The following FMNL2 variants were observed in gnomAD, a reference collection of about 807,000 sequenced individuals.
The protein encoded by FMNL2 is formin like 2.
FMNL2 carries 51 observed loss-of-function variants against 130.2 expected under a neutral mutation model. The ratio of observed to expected loss-of-function variants is 0.39; its 90% CI spans 0.31 to 0.49. The LOEUF (loss-of-function observed/expected upper bound fraction) is 0.49, where lower values mean the gene tolerates loss of function less well. Among genes scored for constraint, FMNL2 ranks in the 20% least tolerant of loss-of-function variants. FMNL2 has a pLI of 0.85. For missense variants in FMNL2, 977 were observed against 1,316.2 expected (o/e 0.74, Z 3.99); for synonymous variants, 465 against 467.1 (o/e 1.00, Z 0.06).
At chr2:152,537,280 C>T (rs972876835) in intron 2 of FMNL2, among the ~76,000 whole-genome samples, 22 of 152,312 alleles carry the variant, frequency 1.4e-4, no homozygotes, top group African/African-American at 4.8e-4. Flanking sequence ...CCTTGGGTTG[C>T]AGTAGACTTG....
intron 1 of FMNL2, among the ~76,000 whole-genome samples, chr2:152,340,305 C>T (rs898300580): frequency 4.6e-5 from 7 of 152,180 alleles, no homozygotes; most frequent in Admixed American, 2.0e-4. Context: ...TTATATTATG[C>T]TTCCATAGGC....
At chr2:152,385,337 G>C (rs976991512) in intron 1 of FMNL2, among the ~76,000 whole-genome samples, 4 of 152,208 alleles carry the variant, frequency 2.6e-5, no homozygotes, top group African/African-American at 9.6e-5. Context: ...AGTTTGTAGG[G>C]AGGGAGGCTG....
intron 1 of FMNL2, among the ~76,000 whole-genome samples, chr2:152,378,036 CGGGA>C (rs1226942516): frequency 2.0e-5 from 3 of 148,758 alleles, no homozygotes; most frequent in African/African-American, 7.4e-5. Flanking sequence ...TGCTTGAACC[CGGGA>C]GGTGGAGGTT....
chr2:152,384,638 C>T (rs1382911248), intron 1 of FMNL2, among the ~76,000 whole-genome samples: 3 of 152,118 alleles, frequency 2.0e-5, no homozygotes, highest in African/African-American at 7.2e-5. Context: ...GACTCTTCTC[C>T]TCGGTTCAGT....
intron 24 of FMNL2, 60 bp from the exon 25 acceptor site, chr2:152,640,731 A>G: frequency 6.4e-7 from 1 of 1,570,614 alleles, no homozygotes; most frequent in South Asian, 1.2e-5. Context: ...CACATTTTGG[A>G]TTTTCACAAA....
chr2:152,443,849 G>GA (rs57004068), intron 1 of FMNL2, among the ~76,000 whole-genome samples: 2 of 150,932 alleles, frequency 1.3e-5, no homozygotes, highest in African/African-American at 4.9e-5. Context: ...CATCCAAAAA[G>GA]AAAAAAAGAA....
chr2:152,583,120 TG>T (rs1660758614), intron 9 of FMNL2, among the ~76,000 whole-genome samples: 1 of 152,190 alleles, frequency 6.6e-6, no homozygotes, highest in Non-Finnish European at 1.5e-5. Context: ...TGAAGAAAAA[TG>T]TAATCCTAAG....
At chr2:152,622,684 G>A in intron 15 of FMNL2, 1 of 450,498 alleles carries the variant, frequency 2.2e-6, no homozygotes, top group South Asian at 1.6e-5. Context: ...TCTGCGGGAA[G>A]TCTTGGTGGT....
At chr2:152,424,754 C>T (rs181970293) in intron 1 of FMNL2, among the ~76,000 whole-genome samples, 2 of 152,274 alleles carry the variant, frequency 1.3e-5, no homozygotes, top group Admixed American at 6.5e-5. Flanking sequence ...GACTTTCATC[C>T]AGTTCAAGAC....
chr2:152,392,034 C>T (rs1265087251), intron 1 of FMNL2, among the ~76,000 whole-genome samples: 1 of 149,858 alleles, frequency 6.7e-6, no homozygotes, highest in East Asian at 2.0e-4. Flanking sequence ...TTGCTATTTA[C>T]AATAATTCAT....
chr2:152,421,898 T>C (rs1353757419), intron 1 of FMNL2, among the ~76,000 whole-genome samples: 1 of 152,234 alleles, frequency 6.6e-6, no homozygotes, highest in Non-Finnish European at 1.5e-5. Context: ...TGCACTACTG[T>C]GTTTGATGCC....
intron 1 of FMNL2, among the ~76,000 whole-genome samples, chr2:152,491,562 A>C (rs1691195153): frequency 6.6e-6 from 1 of 152,166 alleles, no homozygotes; most frequent in African/African-American, 2.4e-5. Flanking sequence ...AACTCCCCAA[A>C]TTTTGCCTTT....
chr2:152,390,858 A>G (rs1401236140), intron 1 of FMNL2, among the ~76,000 whole-genome samples: 2 of 152,214 alleles, frequency 1.3e-5, no homozygotes, highest in Non-Finnish European at 2.9e-5. Context: ...GCAAAAACAG[A>G]AATAAGTACT....
chr2:152,564,203 A>G (rs975207454), intron 6 of FMNL2, among the ~76,000 whole-genome samples: 2 of 151,800 alleles, frequency 1.3e-5, no homozygotes, highest in African/African-American at 4.8e-5. Flanking sequence ...TTCATGCTCT[A>G]TGAAAATGAT....
chr2:152,515,501 T>C (rs1692718373), intron 1 of FMNL2, among the ~76,000 whole-genome samples: 1 of 152,234 alleles, frequency 6.6e-6, no homozygotes, highest in Admixed American at 6.5e-5. Context: ...ATTAATATCA[T>C]GCATTTCCAC....
chr2:152,598,562 G>A (rs2105806864), intron 9 of FMNL2, among the ~76,000 whole-genome samples: 1 of 152,270 alleles, frequency 6.6e-6, no homozygotes, highest in Admixed American at 6.5e-5. Flanking sequence ...GGTGGCATGT[G>A]CCTTTAATCC....
intron 1 of FMNL2, among the ~76,000 whole-genome samples, chr2:152,363,996 T>C (rs1203825849): frequency 6.6e-6 from 1 of 152,202 alleles, no homozygotes; most frequent in Non-Finnish European, 1.5e-5. Context: ...GGTGTTTATA[T>C]TGGAATTCAT....
At position 152,646,298 on chromosome 2, in the gene FMNL2, C is replaced by T. The variant is rs142380902; in HGVS notation, c.3170-1498C>T. ...AGTGAGCAGAGATCACCACTACACT[C>T]GAGCCTCAGTGACAGAGACTGTCCT... On this transcript the variant is annotated intron_variant, in intron 25 of 25. Coordinates refer to ENST00000288670, the MANE Select transcript of FMNL2 (RefSeq NM_052905.4). Among the ~76,000 whole-genome samples, 829 of 152,018 alleles carry T rather than the reference C, an allele frequency of 5.5e-3. 7 individuals are homozygous for T. The highest frequency in any genetic ancestry group is 7.7e-3 in the Admixed American group (118 of 15,266).
At chr2:152,533,868 T>G (rs1157550197) in intron 2 of FMNL2, among the ~76,000 whole-genome samples, 1 of 152,162 alleles carries the variant, frequency 6.6e-6, no homozygotes, top group Admixed American at 6.5e-5. Context: ...GGGTGCTATT[T>G]TAAGGGATAT....
Sources: gnomAD v4.1 joint callset for allele counts (sites outside exome capture counted in the v4.1 genomes callset) on GRCh38, gnomAD v4.1.1 for gene constraint, MANE v1.5 for transcripts, NCBI Gene and HGNC (gene_info 2026-07-23, HGNC 2026-07-21) for gene names.